GALNTL6: variants seen among roughly 807,000 people sequenced by gnomAD.
GALNTL6 encodes polypeptide N-acetylgalactosaminyltransferase-like 6.
GALNTL6 carries 46 observed loss-of-function variants against 73.7 expected under a neutral mutation model. The observed-to-expected ratio is 0.62, with a 90% CI of 0.49 to 0.80. The LOEUF is 0.80. Ranked by LOEUF, GALNTL6 falls within the 30% of genes least tolerant of loss-of-function variation. GALNTL6 has a pLI of 0.00. For missense variants in GALNTL6, 604 were observed against 755.0 expected, an observed-to-expected ratio of 0.80 and a Z score of 2.34; for synonymous variants, 259 against 263.7, an observed-to-expected ratio of 0.98 and a Z score of 0.17.
chr4:172,771,647 A>G (rs1228594560), intron 5 of GALNTL6, among the ~76,000 whole-genome samples: 4 of 152,098 alleles, frequency 2.6e-5, no homozygotes, highest in Non-Finnish European at 5.9e-5. Flanking sequence ...TTCTATGGCC[A>G]TGTTCGTCAA....
At chr4:171,863,098 G>T (rs1735878586) in intron 2 of GALNTL6, among the ~76,000 whole-genome samples, 1 of 152,054 alleles carries the variant, frequency 6.6e-6, no homozygotes, top group Non-Finnish European at 1.5e-5. Flanking sequence ...AACTAGCATT[G>T]GCTTACAGGA....
At chr4:172,516,784 G>T (rs1360233738) in intron 5 of GALNTL6, among the ~76,000 whole-genome samples, 1 of 152,154 alleles carries the variant, frequency 6.6e-6, no homozygotes, top group African/African-American at 2.4e-5. Flanking sequence ...AGCAATCCAA[G>T]TGTCCATCAG....
At chr4:172,297,235 T>A (rs1447040832) in intron 3 of GALNTL6, among the ~76,000 whole-genome samples, 6 of 152,174 alleles carry the variant, frequency 3.9e-5, no homozygotes, top group Non-Finnish European at 7.4e-5. Flanking sequence ...GTTTGAGTTC[T>A]TTGTAGATTC....
chr4:171,958,780 C>T (rs1739129931), intron 2 of GALNTL6, among the ~76,000 whole-genome samples: 2 of 152,170 alleles, frequency 1.3e-5, no homozygotes, highest in South Asian at 4.1e-4. Context: ...CAGTTTTCTA[C>T]AGTCATTACA....
chr4:172,790,346 T>C (rs1202975903), intron 5 of GALNTL6, among the ~76,000 whole-genome samples: 1 of 152,074 alleles, frequency 6.6e-6, no homozygotes, highest in Non-Finnish European at 1.5e-5. Flanking sequence ...GTAACTCGGG[T>C]GTTGTATGAG....
At chr4:171,860,119 A>G (rs1735795126) in intron 2 of GALNTL6, among the ~76,000 whole-genome samples, 1 of 152,184 alleles carries the variant, frequency 6.6e-6, no homozygotes, top group African/African-American at 2.4e-5. Context: ...TAAATAATCC[A>G]TAATAATGTT....
intron 5 of GALNTL6, among the ~76,000 whole-genome samples, chr4:172,613,339 G>A (rs971529552): frequency 5.9e-5 from 9 of 152,154 alleles, no homozygotes; most frequent in African/African-American, 1.7e-4. Flanking sequence ...CAGAGACTTG[G>A]AGAAGAAGGA....
chr4:171,938,958 A>C (rs1246212961), intron 2 of GALNTL6, among the ~76,000 whole-genome samples: 1 of 152,126 alleles, frequency 6.6e-6, no homozygotes, highest in Non-Finnish European at 1.5e-5. Context: ...TTATAAAGAT[A>C]AATAAATTAT....
At chr4:172,165,213 C>T (rs1734584426) in intron 2 of GALNTL6, among the ~76,000 whole-genome samples, 1 of 151,962 alleles carries the variant, frequency 6.6e-6, no homozygotes, top group African/African-American at 2.4e-5. Context: ...ATTTTATATA[C>T]TTTCTCTCAG....
chr4:172,895,171 A>G (rs1461974112), intron 8 of GALNTL6, among the ~76,000 whole-genome samples: 3 of 151,464 alleles, frequency 2.0e-5, no homozygotes, highest in Admixed American at 2.0e-4. Context: ...TAATTGGAGA[A>G]TTTAATAAAT....
At chr4:172,602,117 T>A (rs1175739810) in intron 5 of GALNTL6, among the ~76,000 whole-genome samples, 2 of 152,088 alleles carry the variant, frequency 1.3e-5, no homozygotes, top group East Asian at 3.8e-4. Context: ...CTAGTGAGAA[T>A]ATATTTTAAA....
intron 10 of GALNTL6, among the ~76,000 whole-genome samples, chr4:172,966,454 G>A (rs1475023425): frequency 2.0e-5 from 3 of 151,608 alleles, no homozygotes; most frequent in African/African-American, 7.3e-5. Flanking sequence ...GAGTGCAGTC[G>A]CATGATCTCG....
At chr4:172,894,978 T>G (rs1230043809) in intron 8 of GALNTL6, among the ~76,000 whole-genome samples, 2 of 151,380 alleles carry the variant, frequency 1.3e-5, no homozygotes, top group Admixed American at 6.6e-5. Flanking sequence ...ACTTAAAGTC[T>G]CTTTTGTGTG....
chr4:172,322,325 C>T (rs1488736863), intron 4 of GALNTL6, among the ~76,000 whole-genome samples: 1 of 152,118 alleles, frequency 6.6e-6, no homozygotes, highest in Non-Finnish European at 1.5e-5. Flanking sequence ...CTACACTCTA[C>T]CTTATGCCCC....
intron 5 of GALNTL6, among the ~76,000 whole-genome samples, chr4:172,588,978 T>G (rs774954427): frequency 6.6e-6 from 1 of 152,196 alleles, no homozygotes; most frequent in African/African-American, 2.4e-5. Flanking sequence ...GCAAATAAAA[T>G]ATTTTATGTG....
intron 3 of GALNTL6, among the ~76,000 whole-genome samples, chr4:172,233,930 T>G (rs1170880488): frequency 6.6e-6 from 1 of 152,032 alleles, no homozygotes; most frequent in Non-Finnish European, 1.5e-5. Context: ...TGCTACTTAT[T>G]TATTATATTT....
chr4:171,865,086 C>T (rs915319237), intron 2 of GALNTL6, among the ~76,000 whole-genome samples: 2 of 151,876 alleles, frequency 1.3e-5, no homozygotes, highest in Non-Finnish European at 1.5e-5. Flanking sequence ...GCGGAGATTG[C>T]CGTGAACCGA....
intron 2 of GALNTL6, among the ~76,000 whole-genome samples, chr4:171,827,513 A>G (rs989498288): frequency 6.6e-6 from 1 of 152,158 alleles, no homozygotes; most frequent in African/African-American, 2.4e-5. Context: ...AGCCTTCAGA[A>G]TTTCAGTTAT....
chr4:172,055,321 T>C (rs1195571392), intron 2 of GALNTL6, among the ~76,000 whole-genome samples: 1 of 152,134 alleles, frequency 6.6e-6, no homozygotes, highest in East Asian at 1.9e-4. Context: ...GTATTAAAAT[T>C]GTGTAATATT....
Sources: allele counts gnomAD v4.1 joint callset (sites outside exome capture counted in the v4.1 genomes callset), GRCh38; gene constraint gnomAD v4.1.1; transcripts MANE v1.5; gene names NCBI Gene and HGNC (gene_info 2026-07-23, HGNC 2026-07-21).